NADK2: variants seen among roughly 807,000 people sequenced by gnomAD.
The protein encoded by NADK2 is NAD kinase 2, mitochondrial, also known as NAD kinase domain-containing protein 1, mitochondrial.
NADK2 carries 35 observed loss-of-function variants against 62.1 expected under a neutral mutation model. The ratio of observed to expected loss-of-function variants is 0.56; its 90% confidence interval spans 0.43 to 0.75. The LOEUF is 0.75. Ranked by LOEUF, NADK2 falls within the 30% of genes least tolerant of loss-of-function variation. NADK2 has a pLI of 0.00. For missense variants in NADK2, 439 were observed against 561.3 expected (o/e 0.78, Z 2.20); for synonymous variants, 205 against 207.9 (o/e 0.99, Z 0.12).
At chr5:36,231,300 T>C (rs1264973467) in intron 1 of NADK2, among the ~76,000 whole-genome samples, 1 of 152,188 alleles carries the variant, frequency 6.6e-6, no homozygotes, top group Non-Finnish European at 1.5e-5. Flanking sequence ...TTGCTAACAA[T>C]AATAAAATTC....
At chr5:36,209,992 C>CT in intron 7 of NADK2, among the ~76,000 whole-genome samples, 1 of 152,198 alleles carries the variant, frequency 6.6e-6, no homozygotes, top group South Asian at 2.1e-4. Flanking sequence ...ATGTGAATAT[C>CT]TTTTTTAGTT....
rs1447119821 is a variant in NADK2 at position 36,205,031 on chromosome 5, T to G, written c.956+2139A>C. ...AAATTTAAAAGTTTGATAAGCATTG[T>G]TTTAGCTATATACAATTGTGAGCAT... On this transcript the variant is annotated intron_variant, in intron 8 of 11. Coordinates refer to ENST00000381937, the MANE Select transcript of NADK2 (RefSeq NM_001085411.3). This position sits in a 1 kb window ranked among gnomAD's most constrained non-coding sequence, Gnocchi z 4.1. Among the ~76,000 whole-genome samples the G allele has an allele frequency of 6.6e-6, 1 of 152,086 alleles. No individual in the cohort carries two copies. The highest frequency in any genetic ancestry group is 1.5e-5 in the Non-Finnish European group (1 of 68,000).
chr5:36,219,579 C>T lies in NADK2; in HGVS notation c.644+17G>A. 6.2e-7 allele frequency: 1 copy of T among 1,600,904 alleles called. No homozygotes were observed. Among genetic ancestry groups the T allele is most frequent in the African/African-American group, 1.3e-5 (1 of 74,656 alleles). ...TATTAAGATACTTACATAAGAACAA[C>T]CGTAAGAAATTCCTACCTGAACTCA... On this transcript the variant is annotated intron_variant, in intron 5 of 11. Transcript: ENST00000381937.
chr5:36,222,531 T>C (rs983607905), intron 4 of NADK2, among the ~76,000 whole-genome samples: 1 of 152,162 alleles, frequency 6.6e-6, no homozygotes, highest in African/African-American at 2.4e-5. Flanking sequence ...CAGGTGAAAC[T>C]AGAAAAGCAA....
Position 36,225,632 on chromosome 5 carries a change from C to A in NADK2, c.479-9G>T. 6.2e-7 allele frequency: 1 copy of A among 1,609,154 alleles called. No individual in the cohort carries two copies. Among genetic ancestry groups the A allele is most frequent in the Non-Finnish European group, 8.5e-7 (1 of 1,178,412 alleles). ...CAGCATTGTGCCATCACCTAAGGAA[C>A]ATAAGACAAAATACAAGACATAACC... On this transcript the variant is annotated splice_polypyrimidine_tract_variant and intron_variant, in intron 3 of 11. Coordinates refer to ENST00000381937, the MANE Select transcript of NADK2 (RefSeq NM_001085411.3).
chr5:36,196,888 A>G (rs1449815638), intron 11 of NADK2, among the ~76,000 whole-genome samples: 2 of 152,040 alleles, frequency 1.3e-5, no homozygotes, highest in East Asian at 1.9e-4. Context: ...AATTAATTGT[A>G]TGTCTATAAA....
intron 11 of NADK2, among the ~76,000 whole-genome samples, chr5:36,197,006 T>C (rs1211896730): frequency 6.6e-6 from 1 of 152,004 alleles, no homozygotes; most frequent in Non-Finnish European, 1.5e-5. Context: ...TCTTGTTAAT[T>C]TGGAAAATTG....
At chr5:36,209,388 A>C (rs1746757813) in intron 7 of NADK2, among the ~76,000 whole-genome samples, 1 of 152,210 alleles carries the variant, frequency 6.6e-6, no homozygotes, top group South Asian at 2.1e-4. Context: ...GTACAAAATT[A>C]TAAAGCAAAG....
chr5:36,195,112 C>T lies in NADK2; in HGVS notation c.*32G>A. 2 of 1,579,894 alleles carry T rather than the reference C, an allele frequency of 1.3e-6. No individual in the cohort carries two copies. The highest frequency in any genetic ancestry group is 2.3e-5 in the East Asian group (1 of 43,794). Reference sequence around the variant, plus strand: ...TGTTTCTGAAGTAAAAATATTCTCGCCAGTAATCAAAATTTGTCATGAGGA... The same window carrying T: ...TGTTTCTGAAGTAAAAATATTCTCGTCAGTAATCAAAATTTGTCATGAGGA... On this transcript the variant is annotated 3_prime_UTR_variant, in exon 12 of 12. Coordinates refer to ENST00000381937, the MANE Select transcript of NADK2 (RefSeq NM_001085411.3).
At chr5:36,203,555 A>G in intron 8 of NADK2, among the ~76,000 whole-genome samples, 1 of 152,094 alleles carries the variant, frequency 6.6e-6, no homozygotes, top group Admixed American at 6.6e-5. Context: ...AGACTTTTAT[A>G]CTAGAGCACA....
At chr5:36,201,053 C>T in intron 9 of NADK2, 53 bp downstream of exon 9, 1 of 1,492,360 alleles carries the variant, frequency 6.7e-7, no homozygotes, top group East Asian at 2.3e-5. Flanking sequence ...GGTTCTGGAA[C>T]TTGTCCCCTG....
In NADK2 at chr5:36,212,489, TTAAAG is replaced by T. The variant is rs200030221; in HGVS notation, c.782-572_782-568del. On this transcript the variant is annotated intron_variant, in intron 6 of 11. Coordinates refer to ENST00000381937, the MANE Select transcript of NADK2 (RefSeq NM_001085411.3). ...TGAATCTATAGGGTTGTGTGCACAG[TTAAAG>T]TAATCTTCCTTCATAATTACTTAAA... Among the ~76,000 whole-genome samples, 235 of 152,338 alleles carry T rather than the reference TTAAAG, an allele frequency of 1.5e-3. 4 individuals carry two copies. In the East Asian group the frequency reaches 0.035, roughly 23 times the overall value.
At chr5:36,208,521 G>C (rs1746721906) in intron 7 of NADK2, 1 of 792,072 alleles carries the variant, frequency 1.3e-6, no homozygotes, top group Non-Finnish European at 2.0e-6. Context: ...AAAATAATGA[G>C]CAAATTTAGT....
intron 8 of NADK2, among the ~76,000 whole-genome samples, chr5:36,201,620 G>C (rs1418816918): frequency 6.6e-6 from 1 of 151,462 alleles, no homozygotes; most frequent in East Asian, 1.9e-4. Flanking sequence ...AAAATATTAA[G>C]TTAAAAAATA....
intron 7 of NADK2, among the ~76,000 whole-genome samples, chr5:36,209,102 G>A (rs1457982905): frequency 6.6e-6 from 1 of 152,092 alleles, no homozygotes; most frequent in Non-Finnish European, 1.5e-5. Context: ...ATCTTTAAAA[G>A]TGAGTTCTAA....
intron 1 of NADK2, among the ~76,000 whole-genome samples, chr5:36,236,711 C>T (rs558992481): frequency 6.6e-6 from 1 of 152,010 alleles, no homozygotes; most frequent in Middle Eastern, 3.4e-3. Flanking sequence ...GCAATTCTTG[C>T]CCTCAAAGAG....
chr5:36,228,922 G>A (rs983117813), intron 1 of NADK2, among the ~76,000 whole-genome samples: 1 of 151,850 alleles, frequency 6.6e-6, no homozygotes, highest in African/African-American at 2.4e-5. Context: ...ATCACACCCA[G>A]CCTAATATAC....
chr5:36,221,442 C>T (rs943292123), intron 4 of NADK2: 1 of 152,218 alleles, frequency 6.6e-6, no homozygotes, highest in South Asian at 2.1e-4. Flanking sequence ...TGTCATAAGC[C>T]TCTAAGTTTT....
rs1746386998 is a variant in NADK2 at position 36,200,256 on chromosome 5, A to G, written c.1037T>C (p.Leu346Pro). 6.3e-7 allele frequency: 1 copy of G among 1,585,458 alleles called. No homozygotes were observed. Among genetic ancestry groups the G allele is most frequent in the Non-Finnish European group, 8.6e-7 (1 of 1,165,004 alleles). ...CTCTACCAATTCTCTGTTCAATGGA[A>G]GACTCAAATTTCCTTGTCGTTTTGC... ...NIAKRQGNLS[L>P]PLNRELVEKV... The change falls in exon 10 of 12, where the codon CTT (leucine) becomes CCT (proline). Residue 346 changes from leucine to proline, a missense_variant. By Grantham distance (98) the Leu-to-Pro change is moderately conservative (BLOSUM62 -3). Coordinates refer to ENST00000381937, the MANE Select transcript of NADK2 (RefSeq NM_001085411.3).
Sources: allele counts gnomAD v4.1 joint callset (sites outside exome capture counted in the v4.1 genomes callset), GRCh38; gene constraint gnomAD v4.1.1; non-coding constraint Gnocchi (gnomAD v3.1); transcripts MANE v1.5; gene names NCBI Gene and HGNC (gene_info 2026-07-23, HGNC 2026-07-21).